Variants in TNIP3 observed in about 807,000 individuals in gnomAD.
TNIP3 encodes TNFAIP3-interacting protein 3.
TNIP3 carries 34 observed loss-of-function variants against 54.1 expected under a neutral mutation model. The ratio of observed to expected loss-of-function variants is 0.63; its 90% CI spans 0.48 to 0.84. The LOEUF (loss-of-function observed/expected upper bound fraction) is 0.84. Among genes scored for constraint, TNIP3 ranks in the 40% least tolerant of loss-of-function variants. TNIP3 has a pLI of 0.00. For missense variants in TNIP3, 366 were observed against 387.6 expected (o/e 0.94, Z 0.47); for synonymous variants, 134 against 136.8 (o/e 0.98, Z 0.14).
At chr4:121,185,992 G>A (rs1724995849) in intron 2 of TNIP3, among the ~76,000 whole-genome samples, 1 of 152,234 alleles carries the variant, frequency 6.6e-6, no homozygotes. Context: ...GGACAGAGTG[G>A]TGAAGGATCA....
intron 10 of TNIP3, 93 bp from the exon 11 acceptor site, chr4:121,132,755 C>CAAA (rs35684713): frequency 2.0e-4 from 154 of 787,096 alleles, no homozygotes; most frequent in African/African-American, 5.7e-4. Context: ...TCCAGGATGG[C>CAAA]AAAAAAAAAA....
intron 2 of TNIP3, among the ~76,000 whole-genome samples, chr4:121,186,290 A>T (rs1041084835): frequency 5.9e-5 from 9 of 152,176 alleles, no homozygotes; most frequent in Non-Finnish European, 1.0e-4. Context: ...TGGGAGGGAT[A>T]CGTTTTGAGC....
intron 2 of TNIP3, among the ~76,000 whole-genome samples, chr4:121,199,815 AC>A (rs1303636129): frequency 2.0e-5 from 3 of 152,320 alleles, no homozygotes; most frequent in Non-Finnish European, 4.4e-5. Context: ...AGAGTAGGTA[AC>A]TTGTCAGGGT....
Position 121,206,140 on chromosome 4 carries a change from G to C in TNIP3, c.68+10275C>G, listed in dbSNP as rs148468467. 1.2e-4 allele frequency among the ~76,000 whole-genome samples: 18 copies of C among 152,266 alleles called. No homozygotes were observed. In the East Asian group the frequency reaches 3.5e-3, roughly 29 times the overall value. On this transcript the variant is annotated intron_variant, in intron 2 of 12. Coordinates refer to the TNIP3 transcript ENST00000507879. ...TTATGGGAACTACAATTCAAGATGA[G>C]ATTTGGGTAGAGACATAGCCAAACA...
intron 2 of TNIP3, chr4:121,182,873 A>T: frequency 7.0e-7 from 1 of 1,424,268 alleles, no homozygotes. Flanking sequence ...GAGTTTATGG[A>T]TGACATGGAG....
upstream of TNIP3, among the ~76,000 whole-genome samples, chr4:121,169,012 G>A (rs1317250840): frequency 1.3e-5 from 2 of 151,902 alleles, no homozygotes; most frequent in African/African-American, 4.8e-5. Context: ...TAACCTAAGG[G>A]TTTTCCTGCT....
At chr4:121,163,663 G>A (rs1417676930) in intron 1 of TNIP3, among the ~76,000 whole-genome samples, 2 of 152,116 alleles carry the variant, frequency 1.3e-5, no homozygotes, top group Non-Finnish European at 2.9e-5. Flanking sequence ...CATTCAATTA[G>A]CAGTAGTCTC....
intron 10 of TNIP3, among the ~76,000 whole-genome samples, chr4:121,136,245 G>A (rs867771697): frequency 6.6e-6 from 1 of 152,134 alleles, no homozygotes; most frequent in African/African-American, 2.4e-5. Context: ...ACAAAGATGA[G>A]ATTATTGAGG....
chr4:121,196,431 T>G (rs542841155), intron 2 of TNIP3, among the ~76,000 whole-genome samples: 1 of 152,314 alleles, frequency 6.6e-6, no homozygotes, highest in East Asian at 1.9e-4. Context: ...GAATATAATA[T>G]TTGGCTCTAA....
chr4:121,205,096 T>C (rs1264854108), intron 2 of TNIP3, among the ~76,000 whole-genome samples: 1 of 152,172 alleles, frequency 6.6e-6, no homozygotes, highest in Non-Finnish European at 1.5e-5. Context: ...ATAGGTGTCA[T>C]AGAAGAAATA....
At chr4:121,133,273 TA>T (rs1375195688) in intron 10 of TNIP3, among the ~76,000 whole-genome samples, 1 of 152,226 alleles carries the variant, frequency 6.6e-6, no homozygotes, top group Non-Finnish European at 1.5e-5. Flanking sequence ...CCTGATAACT[TA>T]AAAATATGCT....
intron 2 of TNIP3, among the ~76,000 whole-genome samples, chr4:121,160,352 G>A (rs1192361927): frequency 2.0e-5 from 3 of 151,934 alleles, no homozygotes; most frequent in Non-Finnish European, 4.4e-5. Context: ...GGTCGTGCAC[G>A]CCTGTAATCC....
rs376628645 is a variant in TNIP3, at chr4:121,138,600, T to C, written c.946+24A>G. On this transcript the variant is annotated intron_variant, in intron 10 of 10. Coordinates refer to ENST00000057513, the MANE Select transcript of TNIP3 (RefSeq NM_024873.6). ...CCATTAAGATGTAAACATGAAAGAA[T>C]GCTCAATACAGCTGTGGTCTCACCA... 24 of 1,608,678 alleles carry C rather than the reference T, an allele frequency of 1.5e-5. No individual in the cohort carries two copies. The African/African-American group carries it at 3.2e-4, about 21-fold the overall frequency.
intron 3 of TNIP3, among the ~76,000 whole-genome samples, chr4:121,171,757 G>A (rs542993530): frequency 1.3e-5 from 2 of 152,222 alleles, no homozygotes; most frequent in South Asian, 4.1e-4. Flanking sequence ...TTGAGATGGA[G>A]TCTCACACTG....
intron 4 of TNIP3, among the ~76,000 whole-genome samples, chr4:121,155,819 A>G (rs975505872): frequency 2.0e-5 from 3 of 152,216 alleles, no homozygotes; most frequent in African/African-American, 7.2e-5. Context: ...TATTTGAGTA[A>G]CTAATATTTC....
upstream of TNIP3, among the ~76,000 whole-genome samples, chr4:121,165,240 A>G (rs976401716): frequency 9.3e-5 from 14 of 151,206 alleles, no homozygotes; most frequent in South Asian, 2.1e-3. Context: ...TGGCCCTCCC[A>G]TTTCTCCTGA....
intron 2 of TNIP3, among the ~76,000 whole-genome samples, chr4:121,160,154 A>G (rs2148814274): frequency 6.6e-6 from 1 of 152,274 alleles, no homozygotes; most frequent in East Asian, 1.9e-4. Context: ...GCAAGAGAAC[A>G]TGAAAGATGT....
intron 2 of TNIP3, among the ~76,000 whole-genome samples, chr4:121,205,027 G>C (rs936336115): frequency 6.6e-6 from 1 of 152,040 alleles, no homozygotes; most frequent in Non-Finnish European, 1.5e-5. Flanking sequence ...TTCATTATGG[G>C]TGTCTTTTCC....
At chr4:121,173,941 T>C (rs559486867) in intron 3 of TNIP3, among the ~76,000 whole-genome samples, 39 of 152,216 alleles carry the variant, frequency 2.6e-4, no homozygotes, top group Non-Finnish European at 2.6e-4. Context: ...AATGTATGCA[T>C]TCTTGTATTA....
Sources: allele counts gnomAD v4.1 joint callset (sites outside exome capture counted in the v4.1 genomes callset), GRCh38; gene constraint gnomAD v4.1.1; transcripts MANE v1.5; gene names NCBI Gene and HGNC (gene_info 2026-07-23, HGNC 2026-07-21).